Variants in VGLL4 observed in about 807,000 individuals in gnomAD.
VGLL4 encodes the protein transcription cofactor vestigial-like protein 4.
VGLL4 carries 7 observed loss-of-function variants against 21.0 expected under a neutral mutation model. The ratio of observed to expected loss-of-function variants is 0.33; its 90% CI spans 0.19 to 0.63. VGLL4 has a LOEUF of 0.63. Ranked by LOEUF, VGLL4 falls within the 20% of genes least tolerant of loss-of-function variation. The probability of loss-of-function intolerance (pLI) is 0.78; values close to 1 mark genes in which losing one functional copy is unlikely to be tolerated. For missense variants in VGLL4, 394 were observed against 425.7 expected, an observed-to-expected ratio of 0.93 and a Z score of 0.66; for synonymous variants, 222 against 173.2, an observed-to-expected ratio of 1.28 and a Z score of -2.21.
chr3:11,573,275 GAA>G (rs1399908015), intron 2 of VGLL4, among the ~76,000 whole-genome samples: 4 of 16,394 alleles, frequency 2.4e-4, no homozygotes, highest in Admixed American at 6.9e-4. Context: ...AAGAAAGAAA[GAA>G]AGAAAGAAAG....
intron 2 of VGLL4, among the ~76,000 whole-genome samples, chr3:11,679,917 G>A (rs1275529155): frequency 6.6e-6 from 1 of 152,092 alleles, no homozygotes; most frequent in Non-Finnish European, 1.5e-5. Flanking sequence ...TTGCAGAGTC[G>A]TAGGACACAC....
At chr3:11,658,173 G>A (rs764804795) in intron 2 of VGLL4, among the ~76,000 whole-genome samples, 9 of 152,152 alleles carry the variant, frequency 5.9e-5, no homozygotes, top group Admixed American at 1.3e-4. Flanking sequence ...GGGCTCAAGC[G>A]ACCCACCTGC....
chr3:11,685,197 GTT>G (rs1407926588), intron 2 of VGLL4, among the ~76,000 whole-genome samples: 3 of 112,574 alleles, frequency 2.7e-5, no homozygotes, highest in Non-Finnish European at 3.4e-5. Context: ...ATTCCATGGT[GTT>G]GTTTTTTTTT....
Position 11,634,628 on chromosome 3 carries a change from G to A in VGLL4, c.82+8809C>T, listed in dbSNP as rs190823403. ...CATCAAGCCCCTCTTCACTGGTGTT[G>A]CTCACCATATGTGCACCAGCACCTT... On this transcript the variant is annotated intron_variant, in intron 1 of 4. Transcript: ENST00000430365. Among the ~76,000 whole-genome samples the A allele has an allele frequency of 3.4e-3, 521 of 151,748 alleles. 4 individuals are homozygous for A. Among genetic ancestry groups the A allele is most frequent in the Non-Finnish European group, 5.6e-3 (384 of 67,994 alleles).
At chr3:11,580,694 T>C (rs1338426889) in intron 2 of VGLL4, among the ~76,000 whole-genome samples, 1 of 152,198 alleles carries the variant, frequency 6.6e-6, no homozygotes, top group Non-Finnish European at 1.5e-5. Flanking sequence ...TTGTAAGCCT[T>C]TGTGAAAACA....
In VGLL4 at chr3:11,653,340, G is replaced by A. The variant is rs2075905711; in HGVS notation, c.64+49631C>T. Reference sequence around the variant, plus strand: ...GGTAACTTACTATCCTAACCTTTAAGAACGTAGATCAGTTGTATAACACTT... The same window carrying A: ...GGTAACTTACTATCCTAACCTTTAAAAACGTAGATCAGTTGTATAACACTT... On this transcript the variant is annotated intron_variant, in intron 2 of 5. Transcript: ENST00000273038. This position sits in a 1 kb window ranked among gnomAD's most constrained non-coding sequence, Gnocchi z 4.2. 6.6e-6 allele frequency among the ~76,000 whole-genome samples: 1 copy of A among 152,162 alleles called. No individual in the cohort carries two copies. Among genetic ancestry groups the A allele is most frequent in the Non-Finnish European group, 1.5e-5 (1 of 68,032 alleles).
At chr3:11,631,878 C>A (rs563424640) in intron 1 of VGLL4, among the ~76,000 whole-genome samples, 1 of 152,276 alleles carries the variant, frequency 6.6e-6, no homozygotes, top group South Asian at 2.1e-4. Context: ...CTAGCCCTCA[C>A]GAAGTACTCC....
chr3:11,617,039 TATTA>T (rs576852557), intron 1 of VGLL4, among the ~76,000 whole-genome samples: 324 of 152,274 alleles, frequency 2.1e-3, no homozygotes, highest in Non-Finnish European at 3.5e-3. Context: ...AGTTTTAAAA[TATTA>T]ATTAATTTGA....
chr3:11,662,605 A>ATGC (rs559346941), intron 2 of VGLL4, among the ~76,000 whole-genome samples: 166 of 152,362 alleles, frequency 1.1e-3, no homozygotes, highest in South Asian at 3.7e-3. Context: ...AGAAAGCTGA[A>ATGC]TGCTCTCTAT....
intron 2 of VGLL4, among the ~76,000 whole-genome samples, chr3:11,592,285 C>G (rs923430153): frequency 6.6e-6 from 1 of 152,202 alleles, no homozygotes; most frequent in Non-Finnish European, 1.5e-5. Flanking sequence ...AGATTTTAAA[C>G]AAGAATTAAA....
At chr3:11,559,058 G>C (rs111405662) in intron 4 of VGLL4, among the ~76,000 whole-genome samples, 1,691 of 152,356 alleles carry the variant, frequency 0.011, 15 homozygotes, top group Non-Finnish European at 0.018. Flanking sequence ...TTCAGAAAGA[G>C]AATGTGGCAT....
intron 2 of VGLL4, among the ~76,000 whole-genome samples, chr3:11,578,426 C>CATG (rs1203877788): frequency 1.7e-4 from 26 of 152,286 alleles, no homozygotes; most frequent in Non-Finnish European, 2.8e-4. Flanking sequence ...GCCGCCTTCC[C>CATG]ATGGTCCAGC....
At chr3:11,717,968 TC>T (rs2076941595) in intron 1 of VGLL4, among the ~76,000 whole-genome samples, 1 of 151,924 alleles carries the variant, frequency 6.6e-6, no homozygotes, top group Non-Finnish European at 1.5e-5. Flanking sequence ...AACTCAAGTC[TC>T]CAGAAATAAT....
At chr3:11,654,744 G>A (rs961809738) in intron 2 of VGLL4, among the ~76,000 whole-genome samples, 6 of 152,210 alleles carry the variant, frequency 3.9e-5, no homozygotes, top group African/African-American at 1.4e-4. Flanking sequence ...GTAAGAGCAG[G>A]CATTCAACAG....
chr3:11,642,924 C>T (rs1266495755), intron 1 of VGLL4, among the ~76,000 whole-genome samples: 1 of 152,144 alleles, frequency 6.6e-6, no homozygotes, highest in Admixed American at 6.5e-5. Flanking sequence ...CCCTTCCGGC[C>T]CCACGCGGGA....
chr3:11,562,679 G>A (rs1575360973), intron 3 of VGLL4, among the ~76,000 whole-genome samples: 1 of 152,230 alleles, frequency 6.6e-6, no homozygotes, highest in Non-Finnish European at 1.5e-5. Flanking sequence ...GGAGCCCCAC[G>A]AATGGTTACG....
intron 1 of VGLL4, among the ~76,000 whole-genome samples, chr3:11,607,673 T>C (rs1403006469): frequency 6.6e-6 from 1 of 152,232 alleles, no homozygotes; most frequent in Non-Finnish European, 1.5e-5. Flanking sequence ...TATCATTAGA[T>C]TCTTTTTTCT....
chr3:11,671,477 A>C, intron 2 of VGLL4: 2 of 677,002 alleles, frequency 3.0e-6, no homozygotes, highest in Non-Finnish European at 5.4e-6. Flanking sequence ...CAGGACCCCC[A>C]GGTGTACAAA....
At chr3:11,716,882 AC>A (rs979154753) in intron 1 of VGLL4, among the ~76,000 whole-genome samples, 11 of 152,036 alleles carry the variant, frequency 7.2e-5, no homozygotes, top group African/African-American at 2.7e-4. Flanking sequence ...TTAAACACCC[AC>A]CCATAGCTTC....
Sources: gnomAD v4.1 joint callset for allele counts (sites outside exome capture counted in the v4.1 genomes callset) on GRCh38, gnomAD v4.1.1 for gene constraint, Gnocchi (gnomAD v3.1) non-coding constraint, MANE v1.5 for transcripts, NCBI Gene and HGNC (gene_info 2026-07-23, HGNC 2026-07-21) for gene names.